PTPRS: variants seen among roughly 807,000 people sequenced by gnomAD.
The protein encoded by PTPRS is protein tyrosine phosphatase receptor type S.
PTPRS carries 63 observed loss-of-function variants against 215.3 expected under a neutral mutation model. The ratio of observed to expected loss-of-function variants is 0.29; its 90% CI spans 0.24 to 0.36. The LOEUF is 0.36. Among genes scored for constraint, PTPRS ranks in the 10% least tolerant of loss-of-function variants. The pLI, the probability that PTPRS is intolerant of heterozygous loss-of-function variation, is 1.00. For missense variants in PTPRS, 2,258 were observed against 2,825.8 expected, an observed-to-expected ratio of 0.80 and a Z score of 4.56; for synonymous variants, 1,404 against 1,191.4, an observed-to-expected ratio of 1.18 and a Z score of -3.68.
chr19:5,222,282 T>G, intron 18 of PTPRS, 62 bp from the exon 19 acceptor site: 4 of 1,388,294 alleles, frequency 2.9e-6, no homozygotes, highest in South Asian at 2.3e-5. Flanking sequence ...TGCCTGGCAC[T>G]GGGTGGCGTG....
At chr19:5,232,743 T>C (rs2043121342) in intron 13 of PTPRS, among the ~76,000 whole-genome samples, 1 of 124,018 alleles carries the variant, frequency 8.1e-6, no homozygotes, top group Non-Finnish European at 1.8e-5. Context: ...GCTCCAATTA[T>C]TAGGCACCTA....
chr19:5,304,866 TG>T (rs1158393157), intron 1 of PTPRS, among the ~76,000 whole-genome samples: 3 of 143,788 alleles, frequency 2.1e-5, no homozygotes, highest in Non-Finnish European at 4.5e-5. Flanking sequence ...TAACTAGCCC[TG>T]AACAAAACAG....
chr19:5,272,595 C>CAA lies in PTPRS; in HGVS notation c.379+845_379+846dup, dbSNP rs10527451. Reference sequence around the variant, plus strand: ...CCAGCGCAACAAAGCAAGACTGTCTCAAAAAAAAAAAAAAAAAAAAAAAAA... The same window carrying CAA: ...CCAGCGCAACAAAGCAAGACTGTCTCAAAAAAAAAAAAAAAAAAAAAAAAAAA... On this transcript the variant is annotated intron_variant, in intron 4 of 37. Transcript: ENST00000262963. 1.4e-3 allele frequency among the ~76,000 whole-genome samples: 105 copies of CAA among 73,380 alleles called. 2 individuals are homozygous for CAA. The highest frequency in any genetic ancestry group is 1.8e-3 in the African/African-American group (38 of 20,868). The allele number at this position is 73,380 out of a possible 152,430, so 48.1% of individuals were successfully genotyped here.
At chr19:5,231,067 C>T (rs62115085) in intron 14 of PTPRS, among the ~76,000 whole-genome samples, 34,970 of 152,170 alleles carry the variant, frequency 0.23, 5,201 homozygotes, top group Non-Finnish European at 0.34. Flanking sequence ...GGGCAGCCAG[C>T]GAAACTGTCC....
At chr19:5,267,185 G>T (rs2046464354) in intron 4 of PTPRS, among the ~76,000 whole-genome samples, 2 of 151,540 alleles carry the variant, frequency 1.3e-5, no homozygotes, top group African/African-American at 4.8e-5. Flanking sequence ...TCCCCTCCAT[G>T]GTAAATGGAG....
chr19:5,324,858 T>C (rs778771041), intron 1 of PTPRS, among the ~76,000 whole-genome samples: 1 of 152,084 alleles, frequency 6.6e-6, no homozygotes, highest in Non-Finnish European at 1.5e-5. Flanking sequence ...CTCACACTGT[T>C]TGCAAAACTT....
In PTPRS at chr19:5,252,058, T is replaced by A. The variant is rs191187515; in HGVS notation, c.718+4050A>T. On this transcript the variant is annotated intron_variant, in intron 9 of 37. Transcript: ENST00000262963. ...ATTGGAAATTTAATTTAAAAAACAA[T>A]TTTTCCCCATAAATTTGCATAGATG... Among the ~76,000 whole-genome samples the A allele has an allele frequency of 4.1e-4, 63 of 152,126 alleles. No homozygotes were observed. The East Asian group carries it at 8.9e-3, about 22-fold the overall frequency.
intron 9 of PTPRS, among the ~76,000 whole-genome samples, chr19:5,246,971 TG>T (rs1439139587): frequency 6.6e-6 from 1 of 151,160 alleles, no homozygotes; most frequent in East Asian, 2.0e-4. Flanking sequence ...ATCTGGATTT[TG>T]GGGATCTCTA....
intron 2 of PTPRS, chr19:5,277,798 G>A (rs1008852341): frequency 1.1e-4 from 82 of 739,738 alleles, no homozygotes; most frequent in African/African-American, 9.3e-4. Flanking sequence ...GCGTTCATCC[G>A]GCACCAGTCA....
rs571456869 is a variant in PTPRS at position 5,294,300 on chromosome 19, G to C, written c.-94-8066C>G. On this transcript the variant is annotated intron_variant, in intron 1 of 37. Coordinates refer to ENST00000262963, the MANE Select transcript of PTPRS (RefSeq NM_002850.4). The surrounding 1 kb of genome is among the most constrained non-coding windows in gnomAD (Gnocchi z 5.1). Reference sequence around the variant, plus strand: ...TTCTGCAAAGAACGGAGCCGAGAAAGAGAGAGAAACGGCTGCCCACGGCCG... The same window carrying C: ...TTCTGCAAAGAACGGAGCCGAGAAACAGAGAGAAACGGCTGCCCACGGCCG... 1.3e-5 allele frequency: 2 copies of C among 152,554 alleles called. No individual in the cohort carries two copies. Among genetic ancestry groups the C allele is most frequent in the Non-Finnish European group, 2.9e-5 (2 of 68,308 alleles). 9.5% of individuals were successfully genotyped at this position (152,554 alleles called of 1,614,324 possible).
In PTPRS at chr19:5,208,023, G is replaced by C; in HGVS notation, c.5677C>G (p.Leu1893Val). The change falls in exon 37 of 38, where the codon CTT becomes GTT. Residue 1893 changes from leucine (L) to valine (V), a missense_variant. Physicochemically the swap from Leu to Val is conservative, Grantham distance 32 (BLOSUM62 1). Around this residue, in one of 6 missense-constraint regions of PTPRS, gnomAD observed 89 missense variants for 104.0 expected, o/e 0.86. Transcript: ENST00000262963. ...GVGRTGVFIT[L>V]SIVLERMRYE... Reference sequence around the variant, plus strand: ...CGCATCCGCTCCAGCACGATGCTAAGCGTGATGAAGACGCCCGTCCTGCCC... The same window carrying C: ...CGCATCCGCTCCAGCACGATGCTAACCGTGATGAAGACGCCCGTCCTGCCC... The C allele has an allele frequency of 6.2e-7, 1 of 1,613,888 alleles. No homozygotes were observed. Among genetic ancestry groups the C allele is most frequent in the Non-Finnish European group, 8.5e-7 (1 of 1,179,968 alleles).
At chr19:5,269,809 T>A (rs1224268601) in intron 4 of PTPRS, among the ~76,000 whole-genome samples, 1 of 150,390 alleles carries the variant, frequency 6.6e-6, no homozygotes, top group Non-Finnish European at 1.5e-5. Context: ...TAGTCCCAGC[T>A]ACTCAGGAGG....
At chr19:5,332,838 C>T (rs1217071489) in intron 1 of PTPRS, among the ~76,000 whole-genome samples, 2 of 152,270 alleles carry the variant, frequency 1.3e-5, no homozygotes, top group African/African-American at 4.8e-5. Flanking sequence ...TTTCAGAGAA[C>T]TCTGACCGCA....
Position 5,257,866 on chromosome 19 carries a change from C to A in PTPRS, c.706+151G>T. 1.6e-6 allele frequency: 1 copy of A among 630,312 alleles called. No individual in the cohort carries two copies. The highest frequency in any genetic ancestry group is 2.8e-6 in the Non-Finnish European group (1 of 361,834). 39.0% of individuals were successfully genotyped at this position (630,312 alleles called of 1,614,324 possible). ...GGAAACTAAGGCCCAGAGAGGGACG[C>A]CGCCTCGGCCAAGGTCCCACCGCGA... On this transcript the variant is annotated intron_variant, in intron 8 of 37. Coordinates refer to ENST00000262963, the MANE Select transcript of PTPRS (RefSeq NM_002850.4). This position sits in a 1 kb window ranked among gnomAD's most constrained non-coding sequence, Gnocchi z 4.4.
intron 4 of PTPRS, among the ~76,000 whole-genome samples, chr19:5,267,925 T>G (rs2046559215): frequency 6.6e-6 from 1 of 151,942 alleles, no homozygotes; most frequent in Non-Finnish European, 1.5e-5. Context: ...ATCCCAGCAC[T>G]TTGAGAGGCC....
intron 1 of PTPRS, among the ~76,000 whole-genome samples, chr19:5,323,911 G>A (rs1262858985): frequency 3.3e-5 from 5 of 152,152 alleles, no homozygotes; most frequent in African/African-American, 1.2e-4. Flanking sequence ...GCTGGACCAG[G>A]TGGAGGCAGA....
intron 2 of PTPRS, chr19:5,278,093 G>C: frequency 1.4e-6 from 1 of 726,482 alleles, no homozygotes; most frequent in Admixed American, 2.2e-5. Context: ...TGCCGTCAGA[G>C]TCACCAACCC....
chr19:5,270,117 G>A (rs941845094), intron 4 of PTPRS, among the ~76,000 whole-genome samples: 1 of 152,134 alleles, frequency 6.6e-6, no homozygotes, highest in African/African-American at 2.4e-5. Context: ...AAAATTATCT[G>A]CTAGGAAGAG....
intron 32 of PTPRS, 94 bp from the exon 33 acceptor site, chr19:5,211,862 C>T (rs1246461098): frequency 6.4e-7 from 1 of 1,569,480 alleles, no homozygotes; most frequent in Non-Finnish European, 8.7e-7. Flanking sequence ...GTAGGGGCAC[C>T]CTGCCACCAC....
Sources: allele counts gnomAD v4.1 joint callset (sites outside exome capture counted in the v4.1 genomes callset), GRCh38; gene constraint gnomAD v4.1.1; regional missense constraint gnomAD v4.1.1; non-coding constraint Gnocchi (gnomAD v3.1); transcripts MANE v1.5; gene names NCBI Gene and HGNC (gene_info 2026-07-23, HGNC 2026-07-21).